The following SESTD1 variants were observed in gnomAD, a reference collection of about 807,000 sequenced individuals.
The protein encoded by SESTD1 is SEC14 and spectrin domain containing 1.
A neutral mutation model predicts 101.7 loss-of-function variants in SESTD1; 43 were observed. The observed-to-expected ratio is 0.42, with a 90% CI of 0.33 to 0.55. The LOEUF (loss-of-function observed/expected upper bound fraction) is 0.55. SESTD1 is among the 20% of genes least tolerant of loss of function. The pLI, the probability that SESTD1 is intolerant of heterozygous loss-of-function variation, is 0.07. For synonymous variants in SESTD1, 283 were observed against 286.8 expected (o/e 0.99, Z 0.13); for missense variants, 647 against 815.1 (o/e 0.79, Z 2.51).
At chr2:179,137,588 C>G (rs2105434497) in intron 9 of SESTD1, among the ~76,000 whole-genome samples, 1 of 152,314 alleles carries the variant, frequency 6.6e-6, no homozygotes, top group Middle Eastern at 3.4e-3. Context: ...TGAAGTGGCA[C>G]TGTGTGCTAT....
At chr2:179,183,032 C>A in intron 3 of SESTD1, 48 bp downstream of exon 3, 1 of 1,258,496 alleles carries the variant, frequency 7.9e-7, no homozygotes. Context: ...TCATTAGTAA[C>A]TGAATGAAAA....
At chr2:179,210,531 A>C (rs1381303506) in intron 1 of SESTD1, among the ~76,000 whole-genome samples, 1 of 135,122 alleles carries the variant, frequency 7.4e-6, no homozygotes, top group Admixed American at 7.2e-5. Context: ...TTTAACATAC[A>C]CCAGTTGATA....
chr2:179,177,452 G>A (rs1421226736), intron 3 of SESTD1, among the ~76,000 whole-genome samples: 4 of 152,010 alleles, frequency 2.6e-5, no homozygotes, highest in Admixed American at 2.6e-4. Context: ...TACATTATAG[G>A]GAAAAATAAA....
intron 1 of SESTD1, among the ~76,000 whole-genome samples, chr2:179,246,028 G>A (rs62177332): frequency 0.055 from 8,405 of 152,200 alleles, 318 homozygotes; most frequent in South Asian, 0.13. Flanking sequence ...TGGCCAAGGC[G>A]GGCGGACCAC....
At chr2:179,240,103 G>T (rs1375140346) in intron 1 of SESTD1, among the ~76,000 whole-genome samples, 1 of 152,116 alleles carries the variant, frequency 6.6e-6, no homozygotes, top group Non-Finnish European at 1.5e-5. Context: ...CAAGGTCATG[G>T]TATACAGACA....
intron 12 of SESTD1, among the ~76,000 whole-genome samples, chr2:179,123,387 A>G (rs1347178622): frequency 6.6e-6 from 1 of 152,072 alleles, no homozygotes; most frequent in Non-Finnish European, 1.5e-5. Context: ...GATTTACCAC[A>G]GAACATTTCA....
Position 179,109,664 on chromosome 2 carries a change from G to T in SESTD1, c.*235C>A. The stretch of plus-strand genomic sequence containing the variant: ...GGTAAAGCTTTAAAGCAAGTTTTCA[G>T]TGCAATGTTTATAGTTCCTTCTTTT... On this transcript the variant is annotated 3_prime_UTR_variant, in exon 18 of 18. Coordinates refer to ENST00000428443, the MANE Select transcript of SESTD1 (RefSeq NM_178123.5). 2.0e-6 allele frequency: 1 copy of T among 499,850 alleles called. No homozygotes were observed. Among genetic ancestry groups the T allele is most frequent in the Non-Finnish European group, 3.5e-6 (1 of 289,408 alleles). The allele number at this position is 499,850 out of a possible 1,614,324, so 31.0% of individuals were successfully genotyped here.
intron 2 of SESTD1, among the ~76,000 whole-genome samples, chr2:179,189,003 A>AGT (rs2046279473): frequency 6.6e-6 from 1 of 152,206 alleles, no homozygotes; most frequent in South Asian, 2.1e-4. Flanking sequence ...CCAGACATAC[A>AGT]GAGAAGAGCT....
chr2:179,127,487 T>G (rs946629418), intron 10 of SESTD1, among the ~76,000 whole-genome samples: 2 of 152,266 alleles, frequency 1.3e-5, no homozygotes, highest in African/African-American at 4.8e-5. Context: ...ACTGTAGATT[T>G]ACTGACATTA....
At chr2:179,144,120 A>T (rs2045345207) in intron 8 of SESTD1, among the ~76,000 whole-genome samples, 1 of 151,012 alleles carries the variant, frequency 6.6e-6, no homozygotes, top group Admixed American at 6.6e-5. Flanking sequence ...TACGGTTTAT[A>T]TTTTTTTTTA....
intron 1 of SESTD1, among the ~76,000 whole-genome samples, chr2:179,263,443 T>C (rs1574077015): frequency 6.6e-6 from 1 of 152,178 alleles, no homozygotes; most frequent in South Asian, 2.1e-4. Flanking sequence ...TATAGATATA[T>C]GTGTGTCTGT....
At chr2:179,222,205 A>G (rs2046826025) in intron 1 of SESTD1, among the ~76,000 whole-genome samples, 1 of 152,162 alleles carries the variant, frequency 6.6e-6, no homozygotes, top group South Asian at 2.1e-4. Flanking sequence ...TGTTCCAAAG[A>G]GTTGTTCTCC....
At chr2:179,113,535 A>C (rs1434752240) in intron 16 of SESTD1, among the ~76,000 whole-genome samples, 1 of 152,192 alleles carries the variant, frequency 6.6e-6, no homozygotes, top group East Asian at 1.9e-4. Context: ...AGAGAATAAA[A>C]AGTATTCATT....
At chr2:179,185,130 A>C (rs1227304727) in intron 2 of SESTD1, among the ~76,000 whole-genome samples, 1 of 151,956 alleles carries the variant, frequency 6.6e-6, no homozygotes, top group Non-Finnish European at 1.5e-5. Flanking sequence ...ATCTTCTTGG[A>C]GGGCAATCTG....
At position 179,172,210 on chromosome 2, in the gene SESTD1, G is replaced by A; in HGVS notation, c.279C>T (p.Ser93=). The A allele has an allele frequency of 1.2e-6, 2 of 1,604,016 alleles. No individual in the cohort carries two copies. Among genetic ancestry groups the A allele is most frequent in the African/African-American group, 2.7e-5 (2 of 74,722 alleles). The stretch of plus-strand genomic sequence containing the variant: ...CATCTGGCTTTACCACACAAACAAG[G>A]GACACCTCAGCTGGAACAACATTCT... ...MLQNVVPAEV[S]LVCVVKPDEF... The change falls in exon 5 of 18, where the codon TCC becomes TCT. Residue 93 remains serine, a synonymous_variant. Transcript: ENST00000428443.
intron 5 of SESTD1, among the ~76,000 whole-genome samples, chr2:179,171,033 G>T (rs1180134486): frequency 6.6e-6 from 1 of 152,158 alleles, no homozygotes; most frequent in Non-Finnish European, 1.5e-5. Context: ...GAAGGGGCTT[G>T]TGAGTACAGA....
At chr2:179,140,802 T>G (rs2045260639) in intron 9 of SESTD1, among the ~76,000 whole-genome samples, 1 of 152,174 alleles carries the variant, frequency 6.6e-6, no homozygotes, top group African/African-American at 2.4e-5. Context: ...AACAGACATT[T>G]TAAGTCCTTT....
chr2:179,185,413 TATA>T (rs1025866705), intron 2 of SESTD1, among the ~76,000 whole-genome samples: 22 of 145,476 alleles, frequency 1.5e-4, no homozygotes, highest in African/African-American at 5.2e-4. Flanking sequence ...ATGTAATGTA[TATA>T]ATATAGTATA....
chr2:179,174,374 G>T (rs1311814300), intron 4 of SESTD1: 3 of 439,482 alleles, frequency 6.8e-6, no homozygotes, highest in African/African-American at 6.2e-5. Context: ...GAAATCGCAA[G>T]AGGGGATTAA....
Sources: allele counts gnomAD v4.1 joint callset (sites outside exome capture counted in the v4.1 genomes callset), GRCh38; gene constraint gnomAD v4.1.1; transcripts MANE v1.5; gene names NCBI Gene and HGNC (gene_info 2026-07-23, HGNC 2026-07-21).